Variants in DNAH9 observed in about 807,000 individuals in gnomAD.
DNAH9 encodes the protein DNAH9 variant protein.
DNAH9 carries 345 observed loss-of-function variants against 471.6 expected under a neutral mutation model. The observed-to-expected ratio is 0.73, with a 90% confidence interval of 0.67 to 0.80. DNAH9 has a LOEUF of 0.80. Among genes scored for constraint, DNAH9 ranks in the 30% least tolerant of loss-of-function variants. The pLI is 0.00. For synonymous variants in DNAH9, 2,093 were observed against 2,123.6 expected (o/e 0.99, Z 0.40); for missense variants, 5,407 against 5,609.2 (o/e 0.96, Z 1.15).
Position 11,807,891 on chromosome 17 carries a change from CAAGGT to C in DNAH9, c.8583_8583+4del, listed in dbSNP as rs781582665. On this transcript the variant is annotated splice_donor_variant and coding_sequence_variant, in exon 44 of 69. Coordinates refer to ENST00000262442, the MANE Select transcript of DNAH9 (RefSeq NM_001372.4). LOFTEE classifies it high-confidence loss of function. ...GCAAAGGCTACCAGATCCAGGACTT[CAAGGT>C]AAAAGGTCAGGCAGCTGCAGGGAGG... 1 of 1,602,130 alleles carries C rather than the reference CAAGGT, an allele frequency of 6.2e-7. No homozygotes were observed. Among genetic ancestry groups the C allele is most frequent in the Non-Finnish European group, 8.5e-7 (1 of 1,170,232 alleles).
At chr17:11,842,343 A>G (rs1280518203) in intron 49 of DNAH9, among the ~76,000 whole-genome samples, 1 of 152,206 alleles carries the variant, frequency 6.6e-6, no homozygotes, top group African/African-American at 2.4e-5. Flanking sequence ...ATGTATGCAT[A>G]CCCAAGCATA....
chr17:11,625,278 C>A (rs909042074), intron 6 of DNAH9, among the ~76,000 whole-genome samples: 4 of 152,144 alleles, frequency 2.6e-5, no homozygotes, highest in African/African-American at 7.2e-5. Flanking sequence ...CCTGCTGAGA[C>A]TTTATGCGAA....
In DNAH9 at chr17:11,902,761, A is replaced by G; in HGVS notation, c.11449A>G (p.Ile3817Val). 1 of 1,614,110 alleles carries G rather than the reference A, an allele frequency of 6.2e-7. No homozygotes were observed. The highest frequency in any genetic ancestry group is 8.5e-7 in the Non-Finnish European group (1 of 1,179,946). Residue 3817 changes from isoleucine (I) to valine (V), a missense_variant, in exon 60 of 69, where the codon ATA (isoleucine) becomes GTA (valine). Physicochemically the swap from Ile to Val is conservative, Grantham distance 29. This residue lies in a region of DNAH9 where 4,636 missense variants were observed against 4,900.3 expected (regional missense o/e 0.95). Transcript: ENST00000262442. ...AGAATTCTCTAATCTGGATCGGGAC[A>G]TAGAGGGATCTGCTAAGAGCTGGAA... is the stretch of plus-strand genomic sequence containing the variant. ...MEEFSNLDRD[I>V]EGSAKSWKKF...
Position 11,752,877 on chromosome 17 carries a change from G to C in DNAH9, c.6655G>C (p.Asp2219His). Residue 2219 changes from aspartate (D) to histidine (H), a missense_variant, in exon 33 of 69, where the codon GAT (aspartate) becomes CAT (histidine). Physicochemically the swap from Asp to His is moderately conservative, Grantham distance 81. Transcript: ENST00000262442. ...IMRELANITH[D>H]GPKWILLDGD... ...GCGGGAGCTTGCCAACATCACCCAT[G>C]ATGGGCCCAAGTGGATTTTACTGGA... 6.2e-7 allele frequency: 1 copy of C among 1,609,850 alleles called. No individual in the cohort carries two copies. The highest frequency in any genetic ancestry group is 8.5e-7 in the Non-Finnish European group (1 of 1,177,822).
intron 68 of DNAH9, among the ~76,000 whole-genome samples, chr17:11,965,751 A>C (rs893867779): frequency 6.6e-6 from 1 of 152,324 alleles, no homozygotes; most frequent in South Asian, 2.1e-4. Context: ...ATCACTGAAT[A>C]GAGAATACAG....
chr17:11,943,755 G>A (rs536506764), intron 67 of DNAH9, among the ~76,000 whole-genome samples: 28 of 152,204 alleles, frequency 1.8e-4, no homozygotes, highest in African/African-American at 5.3e-4. Flanking sequence ...TTCCTCCACC[G>A]CACCTCAACA....
At chr17:11,746,116 C>G (rs930843986) in intron 31 of DNAH9, among the ~76,000 whole-genome samples, 2 of 152,154 alleles carry the variant, frequency 1.3e-5, no homozygotes, top group Admixed American at 6.6e-5. Flanking sequence ...GGTCAAGAGT[C>G]AAGAGAAAAG....
chr17:11,748,996 C>T (rs2150846484), intron 32 of DNAH9, among the ~76,000 whole-genome samples: 1 of 148,054 alleles, frequency 6.8e-6, no homozygotes, highest in South Asian at 2.2e-4. Context: ...ATCTTTCCTT[C>T]TTATTGATCT....
intron 50 of DNAH9, among the ~76,000 whole-genome samples, chr17:11,863,959 T>C (rs1279513581): frequency 1.3e-5 from 2 of 152,084 alleles, no homozygotes; most frequent in African/African-American, 2.4e-5. Context: ...TTGTGGATCC[T>C]TTCAAAAAAC....
intron 27 of DNAH9, chr17:11,723,515 G>A (rs1236102409): frequency 1.8e-4 from 27 of 152,026 alleles, no homozygotes; most frequent in Admixed American, 1.8e-3. Flanking sequence ...CTGGGGTTCA[G>A]CCACAGGCCC....
Position 11,669,366 on chromosome 17 carries a change from C to T in DNAH9, c.2929-4C>T, listed in dbSNP as rs762947598. Reference sequence around the variant, plus strand: ...ACCTGCCTGCCGTTGTCTCGCTTCCCCAGGTCGACCTGGACGGTATACCAG... The same window carrying T: ...ACCTGCCTGCCGTTGTCTCGCTTCCTCAGGTCGACCTGGACGGTATACCAG... On this transcript the variant is annotated splice_region_variant and splice_polypyrimidine_tract_variant and intron_variant, in intron 16 of 68. Coordinates refer to ENST00000262442, the MANE Select transcript of DNAH9 (RefSeq NM_001372.4). 1.2e-6 allele frequency: 2 copies of T among 1,606,928 alleles called. No individual in the cohort carries two copies. The highest frequency in any genetic ancestry group is 1.7e-6 in the Non-Finnish European group (2 of 1,175,780).
intron 33 of DNAH9, among the ~76,000 whole-genome samples, chr17:11,753,550 C>G (rs1257591874): frequency 2.0e-5 from 3 of 152,076 alleles, no homozygotes; most frequent in Admixed American, 6.5e-5. Flanking sequence ...GCCTGTAATC[C>G]CAGCTATTCA....
intron 55 of DNAH9, 24 bp downstream of exon 55, chr17:11,881,437 T>G: frequency 6.2e-7 from 1 of 1,600,976 alleles, no homozygotes; most frequent in Non-Finnish European, 8.5e-7. Context: ...GGAGAAAATG[T>G]TCTGCCACTA....
chr17:11,797,749 C>A lies in DNAH9; in HGVS notation c.8376C>A (p.Asn2792Lys), dbSNP rs1282333067. Residue 2792 changes from asparagine (N) to lysine (K), a missense_variant, in exon 43 of 69, where the codon AAC (asparagine) becomes AAA (lysine). Physicochemically the swap from Asn to Lys is moderately conservative, Grantham distance 94 (BLOSUM62 0). This residue lies in a region of DNAH9 where 4,636 missense variants were observed against 4,900.3 expected (regional missense o/e 0.95). Coordinates refer to ENST00000262442, the MANE Select transcript of DNAH9 (RefSeq NM_001372.4). ...CCTTGGAGAACCACAATGAAGTCAACACAGTGATGGACCTAGTTCTCTTTG... is the reference window on the plus strand; with the variant it reads ...CCTTGGAGAACCACAATGAAGTCAAAACAGTGATGGACCTAGTTCTCTTTG... The part of the protein sequence containing the change: ...VEALENHNEV[N>K]TVMDLVLFED... The A allele has an allele frequency of 6.2e-7, 1 of 1,614,070 alleles. No homozygotes were observed. Among genetic ancestry groups the A allele is most frequent in the African/African-American group, 1.3e-5 (1 of 74,922 alleles).
In DNAH9 at chr17:11,690,241, G is replaced by A; in HGVS notation, c.4419G>A (p.Glu1473=). Residue 1473 remains glutamate, a synonymous_variant, in exon 20 of 69, where the codon GAG becomes GAA. Coordinates refer to ENST00000262442, the MANE Select transcript of DNAH9 (RefSeq NM_001372.4). The part of the protein sequence containing the change: ...CSDEDLIEVL[E]DNQVQLQNLV... Reference sequence around the variant, plus strand: ...ATGAGGACCTCATAGAGGTTCTGGAGGATAATCAAGTTCAACTTCAGAACC... The same window carrying A: ...ATGAGGACCTCATAGAGGTTCTGGAAGATAATCAAGTTCAACTTCAGAACC... 1 of 1,614,198 alleles carries A rather than the reference G, an allele frequency of 6.2e-7. No homozygotes were observed. Among genetic ancestry groups the A allele is most frequent in the Non-Finnish European group, 8.5e-7 (1 of 1,180,030 alleles).
At chr17:11,921,547 A>G (rs1270324505) in intron 61 of DNAH9, among the ~76,000 whole-genome samples, 1 of 152,182 alleles carries the variant, frequency 6.6e-6, no homozygotes, top group Admixed American at 6.5e-5. Context: ...AAGCACCAGC[A>G]TACAACAATC....
At chr17:11,611,898 C>T (rs1364190451) in intron 4 of DNAH9, 118 bp downstream of exon 4, 2 of 937,008 alleles carry the variant, frequency 2.1e-6, no homozygotes, top group Non-Finnish European at 1.7e-6. Flanking sequence ...TCCGACCCGA[C>T]ACAAACTAGC....
In DNAH9 at chr17:11,810,327, G is replaced by A; in HGVS notation, c.8665G>A (p.Asp2889Asn). ...VFLMTDAQVA[D>N]ERFLVLINDL... Reference sequence around the variant, plus strand: ...TCTCATGACTGATGCCCAAGTGGCTGATGAGAGGTTCCTTGTGCTCATCAA... The same window carrying A: ...TCTCATGACTGATGCCCAAGTGGCTAATGAGAGGTTCCTTGTGCTCATCAA... The change falls in exon 45 of 69, where the codon GAT becomes AAT. Residue 2889 changes from aspartate to asparagine, a missense_variant. Physicochemically the swap from Asp to Asn is conservative, Grantham distance 23. Transcript: ENST00000262442. 6.2e-7 allele frequency: 1 copy of A among 1,613,944 alleles called. No homozygotes were observed. Among genetic ancestry groups the A allele is most frequent in the Non-Finnish European group, 8.5e-7 (1 of 1,179,912 alleles).
intron 48 of DNAH9, 102 bp downstream of exon 48, chr17:11,823,136 T>G (rs1227369564): frequency 1.6e-5 from 16 of 1,000,022 alleles, no homozygotes; most frequent in Non-Finnish European, 2.2e-5. Context: ...CTGAAAAATA[T>G]GTACGGTTTT....
Sources: allele counts gnomAD v4.1 joint callset (sites outside exome capture counted in the v4.1 genomes callset), GRCh38; gene constraint gnomAD v4.1.1; regional missense constraint gnomAD v4.1.1; transcripts MANE v1.5; gene names NCBI Gene and HGNC (gene_info 2026-07-23, HGNC 2026-07-21).